MICAL2: variants seen among roughly 807,000 people sequenced by gnomAD.
MICAL2 encodes microtubule associated monooxygenase, calponin and LIM domain containing 2, also known as [F-actin]-monooxygenase MICAL2.
Under a neutral mutation model 127.3 loss-of-function variants are expected in MICAL2, and 77 were observed. The observed-to-expected ratio is 0.60, with a 90% CI of 0.50 to 0.73. The LOEUF is 0.73. MICAL2 is among the 30% of genes least tolerant of loss of function. The pLI is 0.00. For synonymous variants in MICAL2, 570 were observed against 551.1 expected, an observed-to-expected ratio of 1.03 and a Z score of -0.48; for missense variants, 1,351 against 1,434.4, an observed-to-expected ratio of 0.94 and a Z score of 0.94.
intron 15 of MICAL2, 90 bp downstream of exon 15, chr11:12,227,221 G>A (rs1337763780): frequency 5.3e-6 from 5 of 938,236 alleles, no homozygotes; most frequent in Non-Finnish European, 8.3e-6. Context: ...GCCTGTTGAG[G>A]CTAGTAAGTT....
chr11:12,296,347 A>G (rs1863985292), downstream of MICAL2, among the ~76,000 whole-genome samples: 1 of 151,762 alleles, frequency 6.6e-6, no homozygotes, highest in Non-Finnish European at 1.5e-5. Context: ...TAGTACCTTA[A>G]TCAAACAGCT....
At chr11:12,195,968 G>A (rs1208582489) in intron 3 of MICAL2, 5 of 153,296 alleles carry the variant, frequency 3.3e-5, no homozygotes, top group Non-Finnish European at 2.9e-5. Context: ...TGTGAGCTAC[G>A]AGTGAGTGAC....
chr11:12,241,146 C>T lies in MICAL2; in HGVS notation c.2321C>T (p.Pro774Leu), dbSNP rs746043602. ...GAGGAGGCCACACCCAGCCCATCAC[C>T]TCCTCTGAAAAGGCAGGTAGGGCTC... ...KPEEATPSPS[P>L]PLKRQFPSVV... The change falls in exon 18 of 28, where the codon CCT becomes CTT. Residue 774 changes from proline (P) to leucine (L), a missense_variant. This residue lies in a region of MICAL2 where 752 missense variants were observed against 719.4 expected (regional missense o/e 1.05). Transcript: ENST00000683283. The T allele has an allele frequency of 4.3e-6, 7 of 1,613,860 alleles. No homozygotes were observed. In the African/African-American group the frequency reaches 8.0e-5, roughly 18 times the overall value.
chr11:12,311,345 T>C (rs1391679389), intron 29 of MICAL2, among the ~76,000 whole-genome samples: 2 of 152,132 alleles, frequency 1.3e-5, no homozygotes, highest in African/African-American at 4.8e-5. Context: ...TGTTTATAAA[T>C]GATGTTGGCC....
At chr11:12,293,769 A>G (rs1198272283), downstream of MICAL2, 1 of 1,613,320 alleles carries the variant, frequency 6.2e-7, no homozygotes, top group Admixed American at 1.7e-5. Flanking sequence ...ACTTCTGATG[A>G]GTGCCAGCCA....
At chr11:12,274,939 C>T (rs368604216), upstream of MICAL2, among the ~76,000 whole-genome samples, 5 of 151,896 alleles carry the variant, frequency 3.3e-5, no homozygotes, top group East Asian at 3.9e-4. Flanking sequence ...GAGGCAGGGA[C>T]GGAGGCCAGG....
chr11:12,183,944 T>C (rs1258979831), intron 3 of MICAL2, among the ~76,000 whole-genome samples: 1 of 152,190 alleles, frequency 6.6e-6, no homozygotes, highest in Non-Finnish European at 1.5e-5. Context: ...TATGTTTGCC[T>C]AATTTTTGTG....
rs184693613 is a variant in MICAL2 at position 12,249,046 on chromosome 11, G to A, written c.2785-138G>A. 5.7e-6 allele frequency: 6 copies of A among 1,049,316 alleles called. No individual in the cohort carries two copies. In the African/African-American group the frequency reaches 8.0e-5, roughly 14 times the overall value. 65.0% of individuals were successfully genotyped at this position (1,049,316 alleles called of 1,614,324 possible). A position where few individuals can be genotyped will look rare whatever the true frequency, so the allele number is the denominator to read the frequency against. On this transcript the variant is annotated intron_variant, in intron 21 of 27. Coordinates refer to ENST00000683283, the MANE Select transcript of MICAL2 (RefSeq NM_001282663.2). ...GAGAGGACAGCAACTACTCTTGAGG[G>A]TAACTGGAATACTGCAATGTCCTAA...
In MICAL2 at chr11:12,227,034, G is replaced by T. The variant is rs550100348; in HGVS notation, c.1898G>T (p.Arg633Leu). Residue 633 changes from arginine (R) to leucine (L), a missense_variant, in exon 15 of 28, where the codon CGC becomes CTC. By Grantham distance (102) the Arg-to-Leu change is moderately radical. This residue lies in a region of MICAL2 where 752 missense variants were observed against 719.4 expected (regional missense o/e 1.05). Transcript: ENST00000683283. ...GTPLRPVDSWRKNYGENADLS... is the reference protein window; with the variant it reads ...GTPLRPVDSWLKNYGENADLS... ...CTTTATTTCCCAACAGATTCTTGGC[G>T]CAAAAACTATGGAGAAAATGCTGAC... The T allele has an allele frequency of 1.9e-6, 3 of 1,613,498 alleles. No individual in the cohort carries two copies. Among genetic ancestry groups the T allele is most frequent in the Non-Finnish European group, 2.5e-6 (3 of 1,179,538 alleles).
In MICAL2 at chr11:12,221,691, C is replaced by T; in HGVS notation, c.1254C>T (p.Ala418=). The T allele has an allele frequency of 1.2e-6, 2 of 1,613,954 alleles. No individual in the cohort carries two copies. Among genetic ancestry groups the T allele is most frequent in the Non-Finnish European group, 1.7e-6 (2 of 1,179,926 alleles). ...GTGCARGFLA[A]FDTAWMVKSW... is the part of the protein sequence containing the mutation. ...GCTGTGCCCGTGGCTTCCTGGCAGC[C>T]TTTGACACGGCATGGATGGTGAAGA... The change falls in exon 10 of 28, where the codon GCC becomes GCT. Residue 418 remains alanine, a synonymous_variant. Coordinates refer to ENST00000683283, the MANE Select transcript of MICAL2 (RefSeq NM_001282663.2).
chr11:12,247,856 C>G (rs1860972932), intron 21 of MICAL2, among the ~76,000 whole-genome samples: 1 of 152,186 alleles, frequency 6.6e-6, no homozygotes, highest in Non-Finnish European at 1.5e-5. Flanking sequence ...AATACTTCTT[C>G]CAAACAGATT....
At chr11:12,155,391 A>G (rs1362405862) in intron 2 of MICAL2, among the ~76,000 whole-genome samples, 1 of 152,194 alleles carries the variant, frequency 6.6e-6, no homozygotes, top group Admixed American at 6.5e-5. Context: ...ACATGAATAC[A>G]CATACATATG....
At chr11:12,184,675 T>C (rs1242786740) in intron 3 of MICAL2, among the ~76,000 whole-genome samples, 4 of 152,198 alleles carry the variant, frequency 2.6e-5, no homozygotes, top group African/African-American at 9.7e-5. Context: ...CTTAGGAGAA[T>C]CATTGTTTCA....
At chr11:12,257,033 C>A (rs191520045) in intron 24 of MICAL2, 62 bp downstream of exon 24, 1 of 1,508,722 alleles carries the variant, frequency 6.6e-7, no homozygotes. Context: ...GACCTTGGCT[C>A]GGGTTCCTGT....
At chr11:12,153,686 TTAA>T in intron 2 of MICAL2, among the ~76,000 whole-genome samples, 1 of 152,260 alleles carries the variant, frequency 6.6e-6, no homozygotes, top group Non-Finnish European at 1.5e-5. Flanking sequence ...CTGCACCTAT[TTAA>T]TAATAACTCT....
chr11:12,152,297 CAAAAAA>C lies in MICAL2; in HGVS notation c.-77-9760_-77-9755del, dbSNP rs540812572. The stretch of plus-strand genomic sequence containing the variant: ...TTGGCAACAAAGCAAGACTCTGTCT[CAAAAAA>C]AAAAAAAAAAAAAAAAAAAAAGAAT... On this transcript the variant is annotated intron_variant, in intron 2 of 27. Transcript: ENST00000683283. 0.01 allele frequency among the ~76,000 whole-genome samples: 400 copies of C among 38,374 alleles called. 4 individuals carry two copies. In the East Asian group the frequency reaches 0.12, roughly 11 times the overall value. The allele number at this position is 38,374 out of a possible 152,430, so 25.2% of individuals were successfully genotyped here. A position where few individuals can be genotyped will look rare whatever the true frequency, so the allele number is the denominator to read the frequency against.
intron 2 of MICAL2, among the ~76,000 whole-genome samples, chr11:12,148,828 G>GC (rs1241544723): frequency 9.1e-6 from 1 of 109,298 alleles, no homozygotes; most frequent in East Asian, 0.02. Context: ...CCCAGGGAGG[G>GC]CAAATTATGC....
At chr11:12,241,289 A>G (rs1471662913) in intron 18 of MICAL2, 127 bp downstream of exon 18, 2 of 1,178,664 alleles carry the variant, frequency 1.7e-6, no homozygotes, top group Non-Finnish European at 2.4e-6. Context: ...ACACACCTTG[A>G]TGTCACCACA....
chr11:12,292,197 C>T (rs771135232), downstream of MICAL2: 1 of 1,614,118 alleles, frequency 6.2e-7, no homozygotes, highest in Admixed American at 1.7e-5. Context: ...CCTTCTCCTT[C>T]TCTTCCTCTT....
Sources: gnomAD v4.1 joint callset for allele counts (sites outside exome capture counted in the v4.1 genomes callset) on GRCh38, gnomAD v4.1.1 for gene constraint, gnomAD v4.1.1 regional missense constraint, MANE v1.5 for transcripts, NCBI Gene and HGNC (gene_info 2026-07-23, HGNC 2026-07-21) for gene names.